The following RBM6 variants were observed in gnomAD, a reference collection of about 807,000 sequenced individuals.
The protein encoded by RBM6 is RNA-binding protein 6.
In RBM6, 23 loss-of-function variants were observed where a neutral mutation model predicts 140.4. The observed-to-expected ratio is 0.16, with a 90% CI of 0.12 to 0.23. RBM6 has a LOEUF of 0.23. Among genes scored for constraint, RBM6 ranks in the 10% least tolerant of loss-of-function variants. The pLI is 1.00. For synonymous variants in RBM6, 439 were observed against 475.6 expected (o/e 0.92, Z 1.00); for missense variants, 1,139 against 1,386.7 (o/e 0.82, Z 2.84).
chr3:49,997,020 A>C (rs931760320), intron 5 of RBM6, among the ~76,000 whole-genome samples: 1 of 152,188 alleles, frequency 6.6e-6, no homozygotes, highest in Non-Finnish European at 1.5e-5. Context: ...AGTATTGTGA[A>C]TATTAAATCA....
chr3:50,020,339 T>G (rs1208956745), intron 6 of RBM6, among the ~76,000 whole-genome samples: 1 of 152,202 alleles, frequency 6.6e-6, no homozygotes, highest in Non-Finnish European at 1.5e-5. Context: ...CTGATTTATC[T>G]CTATTGATTT....
chr3:50,057,963 G>T lies in RBM6; in HGVS notation c.1929G>T (p.Glu643Asp). The change falls in exon 9 of 21, where the codon GAG becomes GAT. Residue 643 changes from glutamate to aspartate, a missense_variant. Physicochemically the swap from Glu to Asp is conservative, Grantham distance 45. Coordinates refer to ENST00000266022, the MANE Select transcript of RBM6 (RefSeq NM_005777.3). ...GPTFRRDRER[E>D]SWSGETRQDG... Reference sequence around the variant, plus strand: ...CTTTCCGAAGAGACCGAGAGAGGGAGTCATGGTCTGGAGAGACACGCCAGG... The same window carrying T: ...CTTTCCGAAGAGACCGAGAGAGGGATTCATGGTCTGGAGAGACACGCCAGG... 1 of 1,614,100 alleles carries T rather than the reference G, an allele frequency of 6.2e-7. No individual in the cohort carries two copies. Among genetic ancestry groups the T allele is most frequent in the Non-Finnish European group, 8.5e-7 (1 of 1,180,030 alleles).
intron 5 of RBM6, among the ~76,000 whole-genome samples, chr3:49,976,558 CTTT>C: frequency 6.6e-6 from 1 of 152,112 alleles, no homozygotes; most frequent in Non-Finnish European, 1.5e-5. Context: ...CTTATACATG[CTTT>C]CTTTGGGAAC....
intron 6 of RBM6, among the ~76,000 whole-genome samples, chr3:50,042,123 T>G (rs1327321253): frequency 3.3e-5 from 5 of 152,234 alleles, no homozygotes; most frequent in Non-Finnish European, 5.9e-5. Flanking sequence ...AAAGATACTA[T>G]CTCTGATAAA....
intron 6 of RBM6, among the ~76,000 whole-genome samples, chr3:50,004,143 G>T (rs2086466811): frequency 6.6e-6 from 1 of 152,018 alleles, no homozygotes; most frequent in Non-Finnish European, 1.5e-5. Context: ...CAAGTATGCT[G>T]GTGTGATGCT....
At chr3:49,974,124 C>T (rs2084945852) in intron 4 of RBM6, among the ~76,000 whole-genome samples, 1 of 151,290 alleles carries the variant, frequency 6.6e-6, no homozygotes, top group African/African-American at 2.4e-5. Context: ...GTCTCGATCC[C>T]CTGACGTCAT....
intron 6 of RBM6, 42 bp downstream of exon 6, chr3:49,999,555 T>A (rs781362481): frequency 1.0e-5 from 15 of 1,474,976 alleles, no homozygotes; most frequent in Non-Finnish European, 1.3e-5. Context: ...AAGGATATAT[T>A]TTTTTATATA....
At chr3:49,986,879 A>G (rs1376607904) in intron 5 of RBM6, among the ~76,000 whole-genome samples, 2 of 150,442 alleles carry the variant, frequency 1.3e-5, no homozygotes. Context: ...TCAACCTCCC[A>G]GGTTCAAGCT....
chr3:49,956,428 C>T (rs894349025), intron 1 of RBM6, among the ~76,000 whole-genome samples: 16 of 145,394 alleles, frequency 1.1e-4, no homozygotes, highest in Admixed American at 6.2e-4. Flanking sequence ...CTCCGCCTCC[C>T]GGGTTCAGGC....
intron 6 of RBM6, among the ~76,000 whole-genome samples, chr3:50,004,422 CTCCCAACTCAGT>C (rs1481099668): frequency 2.7e-5 from 4 of 150,304 alleles, no homozygotes; most frequent in African/African-American, 4.9e-5. Context: ...CGAAGTGATC[CTCCCAACTCAGT>C]TCTCTTTAGT....
chr3:49,982,316 G>T (rs2085346922), intron 5 of RBM6, among the ~76,000 whole-genome samples: 1 of 91,076 alleles, frequency 1.1e-5, no homozygotes. Context: ...TTGCTTTGTT[G>T]CCCAGGCTGC....
intron 5 of RBM6, among the ~76,000 whole-genome samples, chr3:49,976,573 C>G (rs998912685): frequency 1.3e-5 from 2 of 152,092 alleles, no homozygotes; most frequent in African/African-American, 2.4e-5. Flanking sequence ...TTTGGGAACT[C>G]AAGGTAGAAT....
At chr3:50,040,445 C>CAAAAAAA (rs1163542465) in intron 6 of RBM6, among the ~76,000 whole-genome samples, 1 of 67,666 alleles carries the variant, frequency 1.5e-5, no homozygotes, top group Non-Finnish European at 2.6e-5. Context: ...GGCTCCTTCT[C>CAAAAAAA]AAAAAAAAAA....
At chr3:49,973,119 C>T (rs2084880433) in intron 4 of RBM6, among the ~76,000 whole-genome samples, 1 of 152,010 alleles carries the variant, frequency 6.6e-6, no homozygotes, top group South Asian at 2.1e-4. Flanking sequence ...GCATGAGCCA[C>T]CAAGCCCAGC....
intron 6 of RBM6, among the ~76,000 whole-genome samples, chr3:50,039,230 AATT>A (rs1380140688): frequency 1.3e-5 from 2 of 152,016 alleles, no homozygotes; most frequent in Non-Finnish European, 2.9e-5. Flanking sequence ...TGTGAAAATA[AATT>A]ATTATTATTT....
At chr3:50,011,950 C>T (rs1252746557) in intron 6 of RBM6, among the ~76,000 whole-genome samples, 3 of 151,726 alleles carry the variant, frequency 2.0e-5, no homozygotes, top group African/African-American at 4.8e-5. Context: ...CTCCCGGGCT[C>T]AAGCAATTCT....
At chr3:49,963,677 T>G (rs549288180) in intron 2 of RBM6, among the ~76,000 whole-genome samples, 2 of 152,266 alleles carry the variant, frequency 1.3e-5, no homozygotes, top group African/African-American at 4.8e-5. Flanking sequence ...TAGATTGTAT[T>G]TTAAATTTGT....
chr3:50,061,958 G>A lies in RBM6; in HGVS notation c.2440-4G>A, dbSNP rs745309523. On this transcript the variant is annotated splice_polypyrimidine_tract_variant and splice_region_variant and intron_variant, in intron 14 of 20. Coordinates refer to ENST00000266022, the MANE Select transcript of RBM6 (RefSeq NM_005777.3). ...AGACTTACTTGTTTCCAACTGTATCGCAGCAAGAAGTCTATGTGCCCCAGG... is the reference window on the plus strand; with the variant it reads ...AGACTTACTTGTTTCCAACTGTATCACAGCAAGAAGTCTATGTGCCCCAGG... 2.5e-5 allele frequency: 41 copies of A among 1,611,678 alleles called. No homozygotes were observed. The highest frequency in any genetic ancestry group is 2.0e-4 in the East Asian group (9 of 44,852).
In RBM6 at chr3:49,958,746, A is replaced by G. The variant is rs566574401; in HGVS notation, c.-66-3830A>G. 2.4e-3 allele frequency among the ~76,000 whole-genome samples: 324 copies of G among 135,144 alleles called. 1 individual carries two copies. The highest frequency in any genetic ancestry group is 5.5e-3 in the South Asian group (23 of 4,216). The allele number at this position is 135,144 out of a possible 152,430, so 88.7% of individuals were successfully genotyped here. A position where few individuals can be genotyped will look rare whatever the true frequency, so the allele number is the denominator to read the frequency against. ...AGCCTTGGCAACAGAGCGAGACTCC[A>G]TTTCAAAAAAAAAAAAAATTCATTC... is the stretch of plus-strand genomic sequence containing the variant. On this transcript the variant is annotated intron_variant, in intron 1 of 20. Coordinates refer to ENST00000266022, the MANE Select transcript of RBM6 (RefSeq NM_005777.3).
Sources: gnomAD v4.1 joint callset for allele counts (sites outside exome capture counted in the v4.1 genomes callset) on GRCh38, gnomAD v4.1.1 for gene constraint, MANE v1.5 for transcripts, NCBI Gene and HGNC (gene_info 2026-07-23, HGNC 2026-07-21) for gene names.